The following KAZN variants were observed in gnomAD, a reference collection of about 807,000 sequenced individuals.
The protein encoded by KAZN is kazrin, periplakin interacting protein, also known as kazrin.
KAZN carries 40 observed loss-of-function variants against 87.4 expected under a neutral mutation model. The observed-to-expected ratio is 0.46, with a 90% confidence interval of 0.36 to 0.60. The LOEUF (loss-of-function observed/expected upper bound fraction) is 0.60. KAZN is among the 20% of genes least tolerant of loss of function. KAZN has a pLI of 0.00. For synonymous variants in KAZN, 466 were observed against 458.3 expected (o/e 1.02, Z -0.22); for missense variants, 898 against 1,073.9 (o/e 0.84, Z 2.29).
rs1228259933 is a variant in KAZN, at chr1:15,066,455, G to A, written c.1222+702G>A. On this transcript the variant is annotated intron_variant, in intron 8 of 14. Coordinates refer to ENST00000376030, the MANE Select transcript of KAZN (RefSeq NM_201628.3). This position sits in a 1 kb window ranked among gnomAD's most constrained non-coding sequence, Gnocchi z 4.3. ...AGCTCTGCTCTCTACAAAGACTCGC[G>A]AGCCGGGCCAAGGGGCCTTGTCTTG... is the stretch of plus-strand genomic sequence containing the variant. 4.1e-6 allele frequency: 4 copies of A among 985,264 alleles called. No homozygotes were observed. Among genetic ancestry groups the A allele is most frequent in the East Asian group, 1.1e-4 (1 of 8,814 alleles). 61.0% of individuals were successfully genotyped at this position (985,264 alleles called of 1,614,324 possible). A position where few individuals can be genotyped will look rare whatever the true frequency, so the allele number is the denominator to read the frequency against.
intron 1 of KAZN, among the ~76,000 whole-genome samples, chr1:13,951,623 G>GACAATA (rs1641346454): frequency 4.0e-5 from 6 of 148,396 alleles, no homozygotes. Context: ...CTAAAATGGA[G>GACAATA]ATAATAATAA....
chr1:14,566,153 AG>A (rs1383909759), intron 2 of KAZN, among the ~76,000 whole-genome samples: 2 of 152,336 alleles, frequency 1.3e-5, no homozygotes, highest in East Asian at 3.9e-4. Context: ...TAAGATTGAA[AG>A]TCTAAATTAC....
At chr1:14,622,329 A>G (rs1371127892) in intron 1 of KAZN, among the ~76,000 whole-genome samples, 1 of 152,200 alleles carries the variant, frequency 6.6e-6, no homozygotes, top group Non-Finnish European at 1.5e-5. Context: ...TGGAAAAAAT[A>G]CAACAGACAG....
chr1:14,997,387 T>C (rs1668006776), intron 2 of KAZN, among the ~76,000 whole-genome samples: 1 of 151,970 alleles, frequency 6.6e-6, no homozygotes, highest in Non-Finnish European at 1.5e-5. Flanking sequence ...ATTACAGGCA[T>C]GCGTCACCAC....
At chr1:14,580,214 A>G (rs908642972) in intron 2 of KAZN, among the ~76,000 whole-genome samples, 12 of 152,264 alleles carry the variant, frequency 7.9e-5, no homozygotes, top group African/African-American at 2.9e-4. Context: ...GGTGGCTCAC[A>G]CCTGTAATCG....
chr1:14,534,733 C>T (rs1271315698), intron 2 of KAZN, among the ~76,000 whole-genome samples: 1 of 152,190 alleles, frequency 6.6e-6, no homozygotes, highest in Non-Finnish European at 1.5e-5. Context: ...CCCCAGACAC[C>T]AGGCTGTCTT....
chr1:14,960,372 C>T (rs557052163), intron 1 of KAZN, among the ~76,000 whole-genome samples: 6 of 152,316 alleles, frequency 3.9e-5, no homozygotes, highest in Admixed American at 2.6e-4. Context: ...GCTGTTGGCT[C>T]ATGGTTATGA....
intron 2 of KAZN, among the ~76,000 whole-genome samples, chr1:14,514,219 G>A (rs1671079469): frequency 7.1e-6 from 1 of 139,962 alleles, no homozygotes; most frequent in Admixed American, 7.8e-5. Context: ...CAGCTACTCG[G>A]GAGGCTGAGG....
intron 2 of KAZN, among the ~76,000 whole-genome samples, chr1:14,435,481 C>G (rs1480094370): frequency 6.6e-6 from 1 of 152,172 alleles, no homozygotes; most frequent in South Asian, 2.1e-4. Context: ...AGGCATGACC[C>G]GCGCCACCTG....
chr1:14,492,290 G>T (rs1375569702), intron 2 of KAZN, among the ~76,000 whole-genome samples: 1 of 152,014 alleles, frequency 6.6e-6, no homozygotes, highest in Non-Finnish European at 1.5e-5. Flanking sequence ...GGAATTTGGG[G>T]ACCCCACAGT....
chr1:14,583,584 C>G (rs1233393079), intron 2 of KAZN, among the ~76,000 whole-genome samples: 1 of 152,196 alleles, frequency 6.6e-6, no homozygotes, highest in African/African-American at 2.4e-5. Context: ...ATCCAAGTCA[C>G]TGGCCCAAGG....
chr1:14,002,779 T>G (rs1639856883), intron 1 of KAZN, among the ~76,000 whole-genome samples: 1 of 152,122 alleles, frequency 6.6e-6, no homozygotes. Flanking sequence ...GTTCAACCAT[T>G]GTGGAAGACA....
intron 2 of KAZN, among the ~76,000 whole-genome samples, chr1:14,197,385 G>GT (rs1646548756): frequency 9.7e-6 from 1 of 102,814 alleles, no homozygotes; most frequent in South Asian, 3.2e-4. Flanking sequence ...AAAAGTAAAT[G>GT]TTAAAAAAAA....
chr1:14,905,845 A>AAT (rs1656472236), intron 1 of KAZN, among the ~76,000 whole-genome samples: 1 of 143,266 alleles, frequency 7.0e-6, no homozygotes, highest in Non-Finnish European at 1.5e-5. Context: ...TCCGTCTCAA[A>AAT]AATAATAATA....
chr1:14,764,307 G>C (rs1389425691), intron 1 of KAZN, among the ~76,000 whole-genome samples: 2 of 151,262 alleles, frequency 1.3e-5, no homozygotes, highest in African/African-American at 4.9e-5. Context: ...TGGCTCAACT[G>C]TCCCCTTCCC....
At chr1:15,012,786 G>A (rs1345204062) in intron 2 of KAZN, among the ~76,000 whole-genome samples, 1 of 152,148 alleles carries the variant, frequency 6.6e-6, no homozygotes, top group East Asian at 1.9e-4. Flanking sequence ...GCCGGGCGTG[G>A]TGGTGCACAC....
At chr1:14,139,045 T>TCATTCTTC (rs1645174494) in intron 1 of KAZN, among the ~76,000 whole-genome samples, 1 of 152,200 alleles carries the variant, frequency 6.6e-6, no homozygotes, top group Non-Finnish European at 1.5e-5. Context: ...TTTCATTCTT[T>TCATTCTTC]CATTCTTCAT....
At chr1:13,907,909 A>AG (rs1639507366) in intron 1 of KAZN, among the ~76,000 whole-genome samples, 3 of 152,198 alleles carry the variant, frequency 2.0e-5, no homozygotes, top group African/African-American at 4.8e-5. Flanking sequence ...AGAGAAAAAG[A>AG]GAATGTGCTT....
intron 2 of KAZN, among the ~76,000 whole-genome samples, chr1:14,457,004 C>T (rs1235400569): frequency 1.3e-5 from 2 of 152,122 alleles, no homozygotes; most frequent in African/African-American, 2.4e-5. Context: ...CGCTTGAACC[C>T]GGGAGGCGGA....
Sources: gnomAD v4.1 joint callset for allele counts (sites outside exome capture counted in the v4.1 genomes callset) on GRCh38, gnomAD v4.1.1 for gene constraint, Gnocchi (gnomAD v3.1) non-coding constraint, MANE v1.5 for transcripts, NCBI Gene and HGNC (gene_info 2026-07-23, HGNC 2026-07-21) for gene names.